ABCA13: variants seen among roughly 807,000 people sequenced by gnomAD.
ABCA13 encodes ATP-binding cassette sub-family A member 13.
ABCA13 carries 476 observed loss-of-function variants against 478.7 expected under a neutral mutation model. The ratio of observed to expected loss-of-function variants is 0.99; its 90% confidence interval spans 0.92 to 1.07. The LOEUF (loss-of-function observed/expected upper bound fraction) is 1.07. Ranked by LOEUF, ABCA13 falls within the 50% of genes least tolerant of loss-of-function variation. The probability of loss-of-function intolerance (pLI) is 0.00; values close to 1 mark genes in which losing one functional copy is unlikely to be tolerated. For missense variants in ABCA13, 6,060 were observed against 5,910.6 expected (o/e 1.03, Z -0.83); for synonymous variants, 2,252 against 2,158.9 (o/e 1.04, Z -1.20).
rs768056781 is a variant in ABCA13, at chr7:48,249,347, A to G, written c.2001A>G (p.Leu667=). The part of the protein sequence containing the change: ...VNMQESFQNR[L]LAFPEESPCF... ...TGCAAGAGAGTTTCCAGAACAGACT[A>G]TTGGGTAAGTCAGTAGCCTAAACTA... The change falls in exon 15 of 62, where the codon CTA becomes CTG. Residue 667 remains leucine (L), a synonymous_variant. Transcript: ENST00000435803. 8 of 1,612,732 alleles carry G rather than the reference A, an allele frequency of 5.0e-6. No individual in the cohort carries two copies. In the East Asian group the frequency reaches 6.7e-5, roughly 13 times the overall value.
chr7:48,599,340 G>T (rs1305324593), intron 58 of ABCA13, among the ~76,000 whole-genome samples: 2 of 150,726 alleles, frequency 1.3e-5, no homozygotes, highest in Non-Finnish European at 3.0e-5. Flanking sequence ...AATTTGTTAT[G>T]ACTTTTTAAT....
chr7:48,635,139 A>G (rs1050545150), intron 59 of ABCA13, among the ~76,000 whole-genome samples: 10 of 151,246 alleles, frequency 6.6e-5, no homozygotes, highest in South Asian at 2.1e-4. Context: ...CGATGAATCT[A>G]TCAATCTCCC....
At chr7:48,385,342 ATGT>A (rs1563164201) in intron 35 of ABCA13, among the ~76,000 whole-genome samples, 1 of 152,108 alleles carries the variant, frequency 6.6e-6, no homozygotes. Flanking sequence ...CCCGCAGTGC[ATGT>A]TGTTCATGTG....
chr7:48,556,528 T>A (rs973714856), intron 55 of ABCA13, among the ~76,000 whole-genome samples: 10 of 152,042 alleles, frequency 6.6e-5, no homozygotes, highest in African/African-American at 2.4e-4. Flanking sequence ...ACCTTCTTGC[T>A]GAATTGACCC....
At chr7:48,370,154 A>G (rs1812409670) in intron 32 of ABCA13, among the ~76,000 whole-genome samples, 1 of 151,796 alleles carries the variant, frequency 6.6e-6, no homozygotes, top group East Asian at 1.9e-4. Flanking sequence ...TTTTGTAGCT[A>G]TTGTGAAAGG....
intron 35 of ABCA13, 100 bp downstream of exon 35, chr7:48,376,672 A>T: frequency 1.5e-6 from 2 of 1,324,310 alleles, no homozygotes; most frequent in Non-Finnish European, 1.0e-6. Flanking sequence ...TTTAAGGAAG[A>T]TCCAGAAAGG....
chr7:48,645,252 A>G (rs748658740), intron 61 of ABCA13, among the ~76,000 whole-genome samples, 165 bp from the exon 62 acceptor site: 3 of 152,126 alleles, frequency 2.0e-5, no homozygotes, highest in Non-Finnish European at 4.4e-5. Context: ...TGTGTCCTCA[A>G]TGGATTTATA....
intron 41 of ABCA13, among the ~76,000 whole-genome samples, chr7:48,421,951 C>T (rs2129123262): frequency 6.6e-6 from 1 of 151,198 alleles, no homozygotes; most frequent in East Asian, 1.9e-4. Flanking sequence ...TCCAAGGCCT[C>T]CACACTGCTT....
chr7:48,285,704 T>C (rs1189009335), intron 19 of ABCA13, among the ~76,000 whole-genome samples: 3 of 152,246 alleles, frequency 2.0e-5, no homozygotes, highest in Non-Finnish European at 4.4e-5. Flanking sequence ...GGGTGCATTC[T>C]CTGCTCTTTT....
chr7:48,447,527 G>T (rs1447628307), intron 42 of ABCA13, among the ~76,000 whole-genome samples: 1 of 152,076 alleles, frequency 6.6e-6, no homozygotes, highest in African/African-American at 2.4e-5. Flanking sequence ...TTGCAATGAA[G>T]CCCCATTAAT....
Position 48,338,431 on chromosome 7 carries a change from C to T in ABCA13, c.10180C>T (p.Leu3394Phe), listed in dbSNP as rs913557277. ...CCAGTTGCACATTGATGTAGACAAA[C>T]TTACTGAAAAACTCCAGACATACGG... ...ENQLHIDVDK[L>F]TEKLQTYGGL... Residue 3394 changes from leucine to phenylalanine, a missense_variant, in exon 29 of 62, where the codon CTT becomes TTT. Leu to Phe is a conservative substitution (Grantham distance 22). Around this residue, in one of 3 missense-constraint regions of ABCA13, gnomAD observed 4,423 missense variants for 4,309.1 expected, o/e 1.03. Transcript: ENST00000435803. 1.3e-5 allele frequency: 21 copies of T among 1,597,846 alleles called. No individual in the cohort carries two copies. In the African/African-American group the frequency reaches 2.0e-4, roughly 15 times the overall value.
chr7:48,249,367 A>G lies in ABCA13; in HGVS notation c.2005+16A>G, dbSNP rs983604310. On this transcript the variant is annotated intron_variant, in intron 15 of 61. Transcript: ENST00000435803. The stretch of plus-strand genomic sequence containing the variant: ...AGACTATTGGGTAAGTCAGTAGCCT[A>G]AACTACAGGAATGGGGGATGCTTTC... 1.9e-6 allele frequency: 3 copies of G among 1,611,096 alleles called. No homozygotes were observed. The highest frequency in any genetic ancestry group is 2.2e-5 in the South Asian group (2 of 90,296).
chr7:48,617,085 C>T (rs1461833003), intron 59 of ABCA13, among the ~76,000 whole-genome samples: 1 of 152,040 alleles, frequency 6.6e-6, no homozygotes. Flanking sequence ...TAACTATAAA[C>T]CTATAATAAA....
At chr7:48,532,029 T>C (rs913924627) in intron 55 of ABCA13, among the ~76,000 whole-genome samples, 2 of 152,142 alleles carry the variant, frequency 1.3e-5, no homozygotes, top group African/African-American at 4.8e-5. Context: ...GGACTTCCAG[T>C]ATTATGTTGA....
rs60994532 is a variant in ABCA13, at chr7:48,388,428, G to A, written c.11473+469G>A. 1.1e-3 allele frequency among the ~76,000 whole-genome samples: 166 copies of A among 152,332 alleles called. 1 individual carries two copies. The East Asian group carries it at 0.029, about 26-fold the overall frequency. On this transcript the variant is annotated intron_variant, in intron 36 of 61. Transcript: ENST00000435803. ...TTACAAATAGGGATTGTGGTTCTCAGGAGATAGGGGCAGGACTGTCCCTGT... is the reference window on the plus strand; with the variant it reads ...TTACAAATAGGGATTGTGGTTCTCAAGAGATAGGGGCAGGACTGTCCCTGT...
At chr7:48,340,184 G>T (rs1409502109) in intron 29 of ABCA13, among the ~76,000 whole-genome samples, 3 of 152,066 alleles carry the variant, frequency 2.0e-5, no homozygotes, top group Non-Finnish European at 4.4e-5. Context: ...TCAGCTCACT[G>T]CAACCTGCGA....
At chr7:48,309,838 T>G (rs1397020384) in intron 23 of ABCA13, 109 bp from the exon 24 acceptor site, 7 of 1,276,552 alleles carry the variant, frequency 5.5e-6, no homozygotes, top group Non-Finnish European at 7.7e-6. Flanking sequence ...TCCCGGGAGT[T>G]GGGAAATCCA....
At chr7:48,337,169 G>C (rs555832598) in intron 28 of ABCA13, among the ~76,000 whole-genome samples, 207 of 152,264 alleles carry the variant, frequency 1.4e-3, no homozygotes, top group Non-Finnish European at 2.7e-3. Context: ...GCAGTACCTT[G>C]GGTTTGTAGT....
chr7:48,343,553 C>A (rs1402510734), intron 29 of ABCA13, among the ~76,000 whole-genome samples: 1 of 151,914 alleles, frequency 6.6e-6, no homozygotes, highest in East Asian at 1.9e-4. Flanking sequence ...TGAGCTTTTG[C>A]TGCCTTGGTA....
Sources: gnomAD v4.1 joint callset for allele counts (sites outside exome capture counted in the v4.1 genomes callset) on GRCh38, gnomAD v4.1.1 for gene constraint, gnomAD v4.1.1 regional missense constraint, MANE v1.5 for transcripts, NCBI Gene and HGNC (gene_info 2026-07-23, HGNC 2026-07-21) for gene names.